ACCSL: variants seen among roughly 807,000 people sequenced by gnomAD.
The protein encoded by ACCSL is probable inactive 1-aminocyclopropane-1-carboxylate synthase-like protein 2.
In ACCSL, 55 loss-of-function variants were observed where a neutral mutation model predicts 61.7. The observed-to-expected ratio is 0.89, with a 90% CI of 0.72 to 1.12. The LOEUF is 1.12. ACCSL is among the 50% of genes most tolerant of loss of function. The probability of loss-of-function intolerance (pLI) is 0.00; values close to 1 mark genes in which losing one functional copy is unlikely to be tolerated. For synonymous variants in ACCSL, 258 were observed against 264.3 expected (o/e 0.98, Z 0.23); for missense variants, 632 against 698.0 (o/e 0.91, Z 1.07).
chr11:43,927,537 T>G, the ACCSL span, among the ~76,000 whole-genome samples: 8 of 152,258 alleles, frequency 5.3e-5, no homozygotes, highest in African/African-American at 1.9e-4. Flanking sequence ...ATCTCCATTT[T>G]ACAGTTAAAC....
the ACCSL span, among the ~76,000 whole-genome samples, chr11:44,009,107 G>A: frequency 1.3e-5 from 2 of 152,220 alleles, no homozygotes; most frequent in African/African-American, 4.8e-5. Context: ...GGTCGAGGGT[G>A]CAGTGAGCTG....
chr11:43,976,162 A>T, the ACCSL span, among the ~76,000 whole-genome samples: 3 of 152,222 alleles, frequency 2.0e-5, no homozygotes, highest in South Asian at 6.2e-4. Context: ...CTTGATTTAG[A>T]TGATGAGATT....
chr11:43,944,901 C>G, the ACCSL span: 2 of 152,896 alleles, frequency 1.3e-5, no homozygotes, highest in East Asian at 3.8e-4. Context: ...AGGTTTAGGG[C>G]TCCTGCTCCG....
At chr11:44,052,431 T>C (rs1344637336) in intron 5 of ACCSL, among the ~76,000 whole-genome samples, 1 of 152,254 alleles carries the variant, frequency 6.6e-6, no homozygotes, top group Non-Finnish European at 1.5e-5. Context: ...TTCTTCCCTC[T>C]TCTTCTCTAG....
At chr11:44,021,122 C>A in the ACCSL span, among the ~76,000 whole-genome samples, 2 of 151,902 alleles carry the variant, frequency 1.3e-5, no homozygotes, top group African/African-American at 4.8e-5. Flanking sequence ...CATATAATGA[C>A]TTCTTTTCCT....
the ACCSL span, among the ~76,000 whole-genome samples, chr11:43,968,454 G>A: frequency 1.3e-5 from 2 of 151,708 alleles, no homozygotes; most frequent in Non-Finnish European, 2.9e-5. Flanking sequence ...ATGTGTTGTT[G>A]AGTTTGTGGT....
the ACCSL span, among the ~76,000 whole-genome samples, chr11:43,988,806 CT>C: frequency 0.13 from 12,592 of 95,334 alleles, 225 homozygotes; most frequent in East Asian, 0.22. Flanking sequence ...ATTCTCTCTT[CT>C]TTTTTTTTTT....
chr11:43,934,669 C>T, the ACCSL span, among the ~76,000 whole-genome samples: 4 of 152,266 alleles, frequency 2.6e-5, no homozygotes, highest in African/African-American at 7.2e-5. Flanking sequence ...TAGCTGGCAC[C>T]GGGTCTGAGC....
At chr11:43,937,996 G>A in the ACCSL span, among the ~76,000 whole-genome samples, 1 of 152,174 alleles carries the variant, frequency 6.6e-6, no homozygotes, top group African/African-American at 2.4e-5. Context: ...AAACACAGAA[G>A]TCTAGGGCAG....
At chr11:43,928,923 G>T in the ACCSL span, among the ~76,000 whole-genome samples, 1 of 152,226 alleles carries the variant, frequency 6.6e-6, no homozygotes, top group Non-Finnish European at 1.5e-5. Flanking sequence ...CATGCTGGCT[G>T]TTGCTCATCC....
the ACCSL span, among the ~76,000 whole-genome samples, chr11:43,935,338 G>T: frequency 6.6e-6 from 1 of 151,148 alleles, no homozygotes; most frequent in East Asian, 2.0e-4. Context: ...CTGCAACCAG[G>T]CTTCTGGATT....
At chr11:44,046,589 G>T (rs1313727650), upstream of ACCSL, among the ~76,000 whole-genome samples, 2 of 152,222 alleles carry the variant, frequency 1.3e-5, no homozygotes, top group Non-Finnish European at 2.9e-5. Flanking sequence ...ATGGTTTGAA[G>T]AAGTTGGACA....
At chr11:44,030,095 G>A in the ACCSL span, among the ~76,000 whole-genome samples, 15 of 54,310 alleles carry the variant, frequency 2.8e-4, no homozygotes, top group Middle Eastern at 0.016. Context: ...AGTATAAAGG[G>A]GCTCCCCCTG....
chr11:43,978,686 T>C, the ACCSL span, among the ~76,000 whole-genome samples: 1 of 151,822 alleles, frequency 6.6e-6, no homozygotes, highest in African/African-American at 2.4e-5. Context: ...CTTTCCCTGC[T>C]TGAGACAAGG....
chr11:43,942,176 G>C, the ACCSL span: 1 of 154,290 alleles, frequency 6.5e-6, no homozygotes, highest in Non-Finnish European at 1.5e-5. Context: ...AGGCTCGCCA[G>C]GCTGCAAAGA....
chr11:43,930,984 T>C, the ACCSL span, among the ~76,000 whole-genome samples: 1 of 152,164 alleles, frequency 6.6e-6, no homozygotes, highest in Non-Finnish European at 1.5e-5. Context: ...TGAGCCACAC[T>C]CCGTGGTCTG....
At chr11:44,023,978 A>G in the ACCSL span, among the ~76,000 whole-genome samples, 1 of 152,050 alleles carries the variant, frequency 6.6e-6, no homozygotes, top group African/African-American at 2.4e-5. Context: ...TGTTATTGTG[A>G]TGGTTAACTC....
At chr11:44,002,249 C>A in the ACCSL span, among the ~76,000 whole-genome samples, 1 of 152,048 alleles carries the variant, frequency 6.6e-6, no homozygotes, top group Non-Finnish European at 1.5e-5. Flanking sequence ...GAGCGCGCCT[C>A]CCCATGCTGC....
the ACCSL span, among the ~76,000 whole-genome samples, chr11:44,031,242 C>G: frequency 5.3e-5 from 8 of 152,206 alleles, no homozygotes; most frequent in Non-Finnish European, 7.3e-5. Context: ...CATCCTGCCC[C>G]CTGCCATCCC....
Sources: allele counts gnomAD v4.1 joint callset (sites outside exome capture counted in the v4.1 genomes callset), GRCh38; gene constraint gnomAD v4.1.1; transcripts MANE v1.5; gene names NCBI Gene and HGNC (gene_info 2026-07-23, HGNC 2026-07-21).